FBXL22: variants seen among roughly 807,000 people sequenced by gnomAD.
FBXL22 encodes the protein F-box and leucine-rich protein 22.
Under a neutral mutation model 11.7 loss-of-function variants are expected in FBXL22, and 13 were observed. The ratio of observed to expected loss-of-function variants is 1.11; its 90% CI spans 0.73 to 1.77. The LOEUF (loss-of-function observed/expected upper bound fraction) is 1.77, where lower values mean the gene tolerates loss of function less well. Among genes scored for constraint, FBXL22 ranks in the 40% most tolerant of loss-of-function variants. FBXL22 has a pLI of 0.00. For synonymous variants in FBXL22, 160 were observed against 144.1 expected (o/e 1.11, Z -0.79); for missense variants, 406 against 320.4 (o/e 1.27, Z -2.04).
At chr15:63,604,224 G>T (rs1000861474), downstream of FBXL22, among the ~76,000 whole-genome samples, 1 of 152,114 alleles carries the variant, frequency 6.6e-6, no homozygotes, top group Non-Finnish European at 1.5e-5. Flanking sequence ...AGGATAACAA[G>T]GGAACCTTGC....
At chr15:63,601,871 T>C, downstream of FBXL22, 2 of 809,120 alleles carry the variant, frequency 2.5e-6, no homozygotes, top group Non-Finnish European at 3.6e-6. Flanking sequence ...GGAACCATTA[T>C]AAGCTGACAA....
chr15:63,600,941 C>A lies in FBXL22; in HGVS notation c.598C>A (p.Leu200Met). The A allele has an allele frequency of 8.3e-7, 1 of 1,201,914 alleles. No individual in the cohort carries two copies. The highest frequency in any genetic ancestry group is 1.0e-6 in the Non-Finnish European group (1 of 968,738). The allele number at this position is 1,201,914 out of a possible 1,614,324, so 74.5% of individuals were successfully genotyped here. ...LRRLRAACPRLALRAEHSAAM... is the reference protein window; with the variant it reads ...LRRLRAACPRMALRAEHSAAM... Reference sequence around the variant, plus strand: ...CCGCCTGCGCGCCGCGTGCCCGCGCCTGGCCCTGCGGGCAGAGCACAGCGC... The same window carrying A: ...CCGCCTGCGCGCCGCGTGCCCGCGCATGGCCCTGCGGGCAGAGCACAGCGC... Residue 200 changes from leucine (L) to methionine (M), a missense_variant, in exon 2 of 2, where the codon CTG becomes ATG. Leu to Met is a conservative substitution (Grantham distance 15). Coordinates refer to ENST00000638704, the MANE Select transcript of FBXL22 (RefSeq NM_001367807.1).
downstream of FBXL22, among the ~76,000 whole-genome samples, chr15:63,606,729 G>C (rs113664767): frequency 4.0e-5 from 1 of 25,142 alleles, no homozygotes; most frequent in Admixed American, 3.7e-4. Context: ...GGAAATAACA[G>C]TTTCTGGCAA....
At chr15:63,601,344 C>T, downstream of FBXL22, 1 of 1,603,694 alleles carries the variant, frequency 6.2e-7, no homozygotes, top group South Asian at 1.1e-5. Flanking sequence ...CTGCACCGTC[C>T]TCGGGGACTC....
chr15:63,603,408 A>T (rs61544511), downstream of FBXL22, among the ~76,000 whole-genome samples: 2,582 of 152,276 alleles, frequency 0.017, 70 homozygotes, highest in African/African-American at 0.059. Context: ...AGTTTTGGGT[A>T]ATAAATTTGC....
chr15:63,598,687 T>C (rs1304609536), intron 1 of FBXL22, among the ~76,000 whole-genome samples: 1 of 152,238 alleles, frequency 6.6e-6, no homozygotes, highest in Non-Finnish European at 1.5e-5. Context: ...CCCAAGTTCA[T>C]AGCTGCTATT....
downstream of FBXL22, chr15:63,601,366 G>A: frequency 1.2e-6 from 2 of 1,604,770 alleles, no homozygotes; most frequent in Non-Finnish European, 1.7e-6. Context: ...GATCGCCGTT[G>A]GACCGAAATC....
downstream of FBXL22, chr15:63,601,551 G>A: frequency 6.4e-7 from 1 of 1,560,158 alleles, no homozygotes. Context: ...CCCCGGTGGT[G>A]ATCTCGGTGA....
intron 1 of FBXL22, chr15:63,599,767 G>C (rs1595795078): frequency 1.0e-6 from 1 of 986,330 alleles, no homozygotes. Flanking sequence ...GGGGAGCCAA[G>C]GCCCCGGCCC....
downstream of FBXL22, among the ~76,000 whole-genome samples, chr15:63,606,690 C>T (rs1043249878): frequency 2.4e-4 from 37 of 151,582 alleles, no homozygotes; most frequent in African/African-American, 8.7e-4. Flanking sequence ...CCTGTCTCTG[C>T]AAAAATGAAA....
Position 63,597,423 on chromosome 15 carries a change from C to A in FBXL22, c.31C>A (p.Gln11Lys). The A allele has an allele frequency of 6.2e-7, 1 of 1,613,178 alleles. No homozygotes were observed. Among genetic ancestry groups the A allele is most frequent in the East Asian group, 2.2e-5 (1 of 44,866 alleles). Residue 11 changes from glutamine to lysine, a missense_variant, in exon 1 of 2, where the codon CAG (glutamine) becomes AAG (lysine). Transcript: ENST00000638704. This position sits in a 1 kb window ranked among gnomAD's most constrained non-coding sequence, Gnocchi z 4.3. MWPLLTMHIT[Q>K]LNRECLLHLF... Reference sequence around the variant, plus strand: ...GCCACTGCTCACCATGCACATAACCCAGCTCAACCGGGAGTGCCTGCTGCA... The same window carrying A: ...GCCACTGCTCACCATGCACATAACCAAGCTCAACCGGGAGTGCCTGCTGCA...
In FBXL22 at chr15:63,601,079, C is replaced by G. The variant is rs2067364365; in HGVS notation, c.*40C>G. On this transcript the variant is annotated 3_prime_UTR_variant, in exon 2 of 2. Coordinates refer to ENST00000638704, the MANE Select transcript of FBXL22 (RefSeq NM_001367807.1). ...CTGCCCCCGGGGAAGGAGCGCAGCC[C>G]CAGACCGTCCTGGCTTCGAACCCAG... The G allele has an allele frequency of 1.8e-5, 23 of 1,269,822 alleles. No homozygotes were observed. The South Asian group carries it at 6.3e-4, about 35-fold the overall frequency. 78.7% of individuals were successfully genotyped at this position (1,269,822 alleles called of 1,614,324 possible).
At chr15:63,603,798 A>AGAG (rs2067399512), downstream of FBXL22, among the ~76,000 whole-genome samples, 1 of 152,166 alleles carries the variant, frequency 6.6e-6, no homozygotes, top group Non-Finnish European at 1.5e-5. Flanking sequence ...CTGTCACACC[A>AGAG]CCAGCTGCAG....
chr15:63,601,311 C>T (rs2152688880), downstream of FBXL22: 1 of 1,591,000 alleles, frequency 6.3e-7, no homozygotes, highest in East Asian at 2.3e-5. Context: ...CTGCTGTGCG[C>T]TCCCCACGGA....
chr15:63,600,575 C>A, intron 1 of FBXL22, 122 bp from the exon 2 acceptor site: 1 of 1,229,694 alleles, frequency 8.1e-7, no homozygotes, highest in Non-Finnish European at 1.0e-6. Flanking sequence ...GTCATCGCAG[C>A]CAAGTGTCTT....
chr15:63,605,580 A>C (rs2067409223), downstream of FBXL22, among the ~76,000 whole-genome samples: 2 of 152,232 alleles, frequency 1.3e-5, no homozygotes, highest in Admixed American at 1.3e-4. Flanking sequence ...GGCACAGCAA[A>C]GGCAAAGGTC....
In FBXL22 at chr15:63,597,842, C is replaced by G; in HGVS notation, c.353+97C>G. On this transcript the variant is annotated intron_variant, in intron 1 of 1. Coordinates refer to ENST00000638704, the MANE Select transcript of FBXL22 (RefSeq NM_001367807.1). This position sits in a 1 kb window ranked among gnomAD's most constrained non-coding sequence, Gnocchi z 4.3. ...GCAAATTACGAGACCAAGATGGCTC[C>G]ACCTTCGGGGCGCCTCAAACTAGGC... is the stretch of plus-strand genomic sequence containing the variant. 8.2e-7 allele frequency: 1 copy of G among 1,219,360 alleles called. No homozygotes were observed. The highest frequency in any genetic ancestry group is 1.5e-5 in the African/African-American group (1 of 65,860). The allele number at this position is 1,219,360 out of a possible 1,614,324, so 75.5% of individuals were successfully genotyped here. A position where few individuals can be genotyped will look rare whatever the true frequency, so the allele number is the denominator to read the frequency against.
At chr15:63,602,637 C>T (rs996511414), downstream of FBXL22, among the ~76,000 whole-genome samples, 1 of 146,514 alleles carries the variant, frequency 6.8e-6, no homozygotes, top group African/African-American at 2.5e-5. Context: ...GAAAAAAGTG[C>T]AGGCTGTAAC....
the FBXL22 span, among the ~76,000 whole-genome samples, chr15:63,608,196 C>T: frequency 1.1e-4 from 16 of 152,302 alleles, no homozygotes; most frequent in African/African-American, 3.1e-4. Context: ...AATTCCATCA[C>T]GTGCTCATTT....
Sources: gnomAD v4.1 joint callset for allele counts (sites outside exome capture counted in the v4.1 genomes callset) on GRCh38, gnomAD v4.1.1 for gene constraint, Gnocchi (gnomAD v3.1) non-coding constraint, MANE v1.5 for transcripts, NCBI Gene and HGNC (gene_info 2026-07-23, HGNC 2026-07-21) for gene names.